ZNF536: variants seen among roughly 807,000 people sequenced by gnomAD.
ZNF536 encodes zinc finger protein 536.
A neutral mutation model predicts 84.5 loss-of-function variants in ZNF536; 13 were observed. The ratio of observed to expected loss-of-function variants is 0.15; its 90% CI spans 0.10 to 0.24. The LOEUF (loss-of-function observed/expected upper bound fraction) is 0.24. Ranked by LOEUF, ZNF536 falls within the 10% of genes least tolerant of loss-of-function variation. The pLI is 1.00. For missense variants in ZNF536, 1,536 were observed against 1,747.5 expected, an observed-to-expected ratio of 0.88 and a Z score of 2.16; for synonymous variants, 811 against 742.5, an observed-to-expected ratio of 1.09 and a Z score of -1.50.
At chr19:30,600,716 C>A (rs2047655062) in intron 1 of ZNF536, among the ~76,000 whole-genome samples, 1 of 152,180 alleles carries the variant, frequency 6.6e-6, no homozygotes, top group Non-Finnish European at 1.5e-5. Context: ...AACAGTGGTG[C>A]AAACGTTCAG....
intron 2 of ZNF536, among the ~76,000 whole-genome samples, chr19:30,463,735 C>T (rs1251875446): frequency 6.6e-6 from 1 of 152,192 alleles, no homozygotes; most frequent in African/African-American, 2.4e-5. Context: ...CCTAAATTTA[C>T]AGCACAGGGC....
chr19:30,556,963 T>C, intron 4 of ZNF536, 194 bp from the exon 5 acceptor site: 1 of 589,506 alleles, frequency 1.7e-6, no homozygotes, highest in South Asian at 2.1e-5. Flanking sequence ...CCTCTACGTC[T>C]AATTGCCAAC....
chr19:30,384,050 A>C (rs1460523942), intron 1 of ZNF536, among the ~76,000 whole-genome samples: 2 of 131,654 alleles, frequency 1.5e-5, no homozygotes, highest in Admixed American at 8.0e-5. Context: ...ACGGTCTGCT[A>C]CTCACTTACT....
intron 1 of ZNF536, among the ~76,000 whole-genome samples, chr19:30,696,659 G>C (rs1167854824): frequency 1.3e-5 from 2 of 152,202 alleles, no homozygotes; most frequent in African/African-American, 2.4e-5. Flanking sequence ...AATCTGTAGG[G>C]CATGCGCAAT....
At chr19:30,643,661 G>C (rs1018229777) in intron 1 of ZNF536, among the ~76,000 whole-genome samples, 2 of 152,118 alleles carry the variant, frequency 1.3e-5, no homozygotes, top group Admixed American at 6.5e-5. Context: ...TTTCTGCAGG[G>C]GGGGGTTTTG....
intron 1 of ZNF536, among the ~76,000 whole-genome samples, chr19:30,704,733 C>T (rs2052151811): frequency 6.6e-6 from 1 of 151,478 alleles, no homozygotes; most frequent in South Asian, 2.1e-4. Flanking sequence ...ACTGCAGCGG[C>T]TTCTCCTCTG....
At chr19:30,698,222 G>A (rs1186115847) in intron 1 of ZNF536, among the ~76,000 whole-genome samples, 1 of 151,946 alleles carries the variant, frequency 6.6e-6, no homozygotes, top group Non-Finnish European at 1.5e-5. Context: ...AACCTGGGAG[G>A]TGGACGCTGC....
At chr19:30,230,237 T>C (rs2022930647) in intron 1 of ZNF536, among the ~76,000 whole-genome samples, 2 of 152,224 alleles carry the variant, frequency 1.3e-5, no homozygotes, top group African/African-American at 2.4e-5. Context: ...GAAAATGAAC[T>C]TAACATCTGG....
chr19:30,675,876 G>A (rs2050736270), intron 1 of ZNF536, among the ~76,000 whole-genome samples: 1 of 151,954 alleles, frequency 6.6e-6, no homozygotes, highest in Non-Finnish European at 1.5e-5. Context: ...TTTTATTTTT[G>A]ACACAGGGTC....
chr19:30,247,516 C>G (rs2024347410), intron 1 of ZNF536, among the ~76,000 whole-genome samples: 1 of 152,144 alleles, frequency 6.6e-6, no homozygotes, highest in South Asian at 2.1e-4. Flanking sequence ...CACCTCGAAC[C>G]TGGAGACATG....
chr19:30,401,186 G>C (rs1412886030), intron 1 of ZNF536, among the ~76,000 whole-genome samples: 2 of 152,056 alleles, frequency 1.3e-5, no homozygotes, highest in Non-Finnish European at 2.9e-5. Context: ...TTACCTGTGT[G>C]GGGGGCTACT....
chr19:30,342,370 C>T (rs150001813), intron 2 of ZNF536, among the ~76,000 whole-genome samples: 16 of 152,238 alleles, frequency 1.1e-4, no homozygotes, highest in African/African-American at 3.9e-4. Flanking sequence ...GGCCCATTCA[C>T]AACTGCTATC....
intron 1 of ZNF536, among the ~76,000 whole-genome samples, chr19:30,414,417 C>G (rs1424424503): frequency 1.3e-5 from 2 of 152,028 alleles, no homozygotes; most frequent in African/African-American, 4.8e-5. Flanking sequence ...TTTATGTTGT[C>G]TGTTAATCAT....
chr19:30,643,774 G>T (rs373211479), intron 1 of ZNF536, among the ~76,000 whole-genome samples: 1 of 152,034 alleles, frequency 6.6e-6, no homozygotes. Context: ...AGTTGCGTTG[G>T]GGGGTGGTGC....
At chr19:30,592,519 C>A (rs1413323887) in intron 1 of ZNF536, among the ~76,000 whole-genome samples, 1 of 152,116 alleles carries the variant, frequency 6.6e-6, no homozygotes, top group Non-Finnish European at 1.5e-5. Context: ...TTTTGTCAAG[C>A]TAAAGATGCA....
intron 1 of ZNF536, among the ~76,000 whole-genome samples, chr19:30,375,569 G>C (rs2048784015): frequency 6.6e-6 from 1 of 152,248 alleles, no homozygotes; most frequent in African/African-American, 2.4e-5. Context: ...GCGGCCCGGG[G>C]TGTGGGAGGT....
intron 3 of ZNF536, among the ~76,000 whole-genome samples, chr19:30,540,557 C>G (rs2045289982): frequency 6.6e-6 from 1 of 152,192 alleles, no homozygotes; most frequent in Admixed American, 6.5e-5. Context: ...CACCAAGGCT[C>G]CATCCCCTGC....
intron 1 of ZNF536, among the ~76,000 whole-genome samples, chr19:30,246,434 A>G (rs1332624608): frequency 1.3e-5 from 2 of 152,192 alleles, no homozygotes; most frequent in Non-Finnish European, 2.9e-5. Flanking sequence ...CCTTTTATCC[A>G]TATTATTTCT....
intron 2 of ZNF536, among the ~76,000 whole-genome samples, chr19:30,473,155 A>G (rs1040606722): frequency 6.6e-6 from 1 of 151,954 alleles, no homozygotes; most frequent in Non-Finnish European, 1.5e-5. Flanking sequence ...GCAGTGAGCC[A>G]AGATCATGTC....
Sources: allele counts gnomAD v4.1 joint callset (sites outside exome capture counted in the v4.1 genomes callset), GRCh38; gene constraint gnomAD v4.1.1; transcripts MANE v1.5; gene names NCBI Gene and HGNC (gene_info 2026-07-23, HGNC 2026-07-21).